Variants in DDHD1 observed in about 807,000 individuals in gnomAD.
DDHD1 encodes the protein phospholipase DDHD1.
A neutral mutation model predicts 96.4 loss-of-function variants in DDHD1; 49 were observed. The observed-to-expected ratio is 0.51, with a 90% CI of 0.40 to 0.64. DDHD1 has a LOEUF of 0.64. Ranked by LOEUF, DDHD1 falls within the 30% of genes least tolerant of loss-of-function variation. DDHD1 has a pLI of 0.00. For synonymous variants in DDHD1, 442 were observed against 446.5 expected (o/e 0.99, Z 0.13); for missense variants, 1,106 against 1,161.2 (o/e 0.95, Z 0.69).
At chr14:53,077,062 A>G (rs1290787932) in intron 4 of DDHD1, among the ~76,000 whole-genome samples, 1 of 152,126 alleles carries the variant, frequency 6.6e-6, no homozygotes, top group Non-Finnish European at 1.5e-5. Context: ...TATGTGTCCT[A>G]TAGAGTTACT....
At chr14:53,117,543 T>G (rs1888641870) in intron 1 of DDHD1, among the ~76,000 whole-genome samples, 2 of 152,218 alleles carry the variant, frequency 1.3e-5, no homozygotes, top group Non-Finnish European at 1.5e-5. Context: ...TGCTCACTGC[T>G]AGCGCAACAG....
At chr14:53,150,782 TC>T (rs1383276012) in intron 1 of DDHD1, among the ~76,000 whole-genome samples, 7 of 152,230 alleles carry the variant, frequency 4.6e-5, no homozygotes, top group Non-Finnish European at 1.0e-4. Flanking sequence ...CTTTTCCCCA[TC>T]TTTCTTAATG....
At chr14:53,096,632 C>G (rs1257324134) in intron 2 of DDHD1, among the ~76,000 whole-genome samples, 1 of 151,834 alleles carries the variant, frequency 6.6e-6, no homozygotes, top group Non-Finnish European at 1.5e-5. Context: ...CAATAAATAA[C>G]ATTTTACATA....
At chr14:53,102,926 C>G in intron 2 of DDHD1, 5 of 1,161,150 alleles carry the variant, frequency 4.3e-6, no homozygotes, top group Non-Finnish European at 6.1e-6. Context: ...TAGAGCTTGC[C>G]AAGAAACCTC....
In DDHD1 at chr14:53,045,195, G is replaced by A. The variant is rs1881923841; in HGVS notation, c.*1573C>T. 1 of 152,256 alleles carries A rather than the reference G, an allele frequency of 6.6e-6. No homozygotes were observed. The highest frequency in any genetic ancestry group is 1.5e-5 in the Non-Finnish European group (1 of 68,116). 9.4% of individuals were successfully genotyped at this position (152,256 alleles called of 1,614,324 possible). A position where few individuals can be genotyped will look rare whatever the true frequency, so the allele number is the denominator to read the frequency against. ...TCAAGTCATTGAACAGCATATAAAA[G>A]AATATGGCCTGGCTTCAACCCAAGC... On this transcript the variant is annotated 3_prime_UTR_variant, in exon 13 of 13. Coordinates refer to ENST00000673822, the MANE Select transcript of DDHD1 (RefSeq NM_001160148.2).
chr14:53,091,545 AG>A (rs1202176841), intron 4 of DDHD1, among the ~76,000 whole-genome samples: 1 of 152,212 alleles, frequency 6.6e-6, no homozygotes, highest in Non-Finnish European at 1.5e-5. Flanking sequence ...AGATTAAAAA[AG>A]GCTTCCTTAT....
Position 53,152,780 on chromosome 14 carries a change from C to G in DDHD1, c.319G>C (p.Glu107Gln). 1 of 1,606,566 alleles carries G rather than the reference C, an allele frequency of 6.2e-7. No individual in the cohort carries two copies. Among genetic ancestry groups the G allele is most frequent in the Non-Finnish European group, 8.5e-7 (1 of 1,177,440 alleles). The change falls in exon 1 of 13, where the codon GAG (glutamate) becomes CAG (glutamine). Residue 107 changes from glutamate (E) to glutamine (Q), a missense_variant. Coordinates refer to ENST00000673822, the MANE Select transcript of DDHD1 (RefSeq NM_001160148.2). Reference protein sequence around the residue: ...GSSLRYYSEGESGGGGSSLSL... With the variant: ...GSSLRYYSEGQSGGGGSSLSL... ...AAGGAGCTGCCGCCGCCGCCGCTCT[C>G]ACCCTCGCTGTAGTAGCGCAGCGAG...
At chr14:53,082,313 A>C (rs987292110) in intron 4 of DDHD1, among the ~76,000 whole-genome samples, 1 of 152,220 alleles carries the variant, frequency 6.6e-6, no homozygotes, top group African/African-American at 2.4e-5. Flanking sequence ...ATAAGTCTTC[A>C]TAATTCCTCT....
intron 9 of DDHD1, among the ~76,000 whole-genome samples, chr14:53,056,228 GTA>G (rs1357812068): frequency 6.6e-6 from 1 of 152,062 alleles, no homozygotes; most frequent in African/African-American, 2.4e-5. Context: ...GTAGTAGATG[GTA>G]ATCCTGGGAA....
chr14:53,093,077 A>G lies in DDHD1; in HGVS notation c.1141+239T>C, dbSNP rs145363324. 273 of 246,766 alleles carry G rather than the reference A, an allele frequency of 1.1e-3. 13 individuals carry two copies. In the East Asian group the frequency reaches 0.028, roughly 25 times the overall value. 15.3% of individuals were successfully genotyped at this position (246,766 alleles called of 1,614,324 possible). ...TAGGTTTAACAGCTTTTGTGCTTTTAGAAGTATAAAAGATATTTATTAATT... is the reference window on the plus strand; with the variant it reads ...TAGGTTTAACAGCTTTTGTGCTTTTGGAAGTATAAAAGATATTTATTAATT... On this transcript the variant is annotated intron_variant, in intron 3 of 12. Coordinates refer to ENST00000673822, the MANE Select transcript of DDHD1 (RefSeq NM_001160148.2).
intron 9 of DDHD1, among the ~76,000 whole-genome samples, chr14:53,057,503 G>A (rs904452447): frequency 6.6e-6 from 1 of 152,070 alleles, no homozygotes. Flanking sequence ...TTGATGTTCA[G>A]TATTTGAATA....
rs1566616545 is a variant in DDHD1, at chr14:53,152,825, T to C, written c.274A>G (p.Ser92Gly). The change falls in exon 1 of 13, where the codon AGC becomes GGC. Residue 92 changes from serine (S) to glycine (G), a missense_variant. Physicochemically the swap from Ser to Gly is moderately conservative, Grantham distance 56. Coordinates refer to ENST00000673822, the MANE Select transcript of DDHD1 (RefSeq NM_001160148.2). ...AGCGAGGAGCCCGACTCGGCGGAGC[T>C]GAAGTCATAGTTCTCGTCACTGAGG... ...PCLSDENYDFSSAESGSSLRY... is the reference protein window; with the variant it reads ...PCLSDENYDFGSAESGSSLRY... The C allele has an allele frequency of 6.2e-7, 1 of 1,611,322 alleles. No individual in the cohort carries two copies. The highest frequency in any genetic ancestry group is 1.1e-5 in the South Asian group (1 of 90,922).
intron 6 of DDHD1, among the ~76,000 whole-genome samples, chr14:53,067,755 C>T (rs1884166273): frequency 6.6e-6 from 1 of 152,170 alleles, no homozygotes; most frequent in Non-Finnish European, 1.5e-5. Context: ...CCGTGCCCTG[C>T]CCAGCCTCTT....
chr14:53,135,210 AC>A (rs1890144593), intron 1 of DDHD1, among the ~76,000 whole-genome samples: 2 of 152,206 alleles, frequency 1.3e-5, no homozygotes, highest in Non-Finnish European at 2.9e-5. Flanking sequence ...CTGAAGAACC[AC>A]AAAAGATGAC....
intron 6 of DDHD1, among the ~76,000 whole-genome samples, chr14:53,067,449 T>C (rs941251010): frequency 6.6e-6 from 1 of 151,130 alleles, no homozygotes; most frequent in African/African-American, 2.4e-5. Context: ...TGAGCCACCA[T>C]GTCTAGCCTC....
At chr14:53,126,962 C>G (rs774958500) in intron 1 of DDHD1, among the ~76,000 whole-genome samples, 1 of 151,810 alleles carries the variant, frequency 6.6e-6, no homozygotes, top group Admixed American at 6.6e-5. Context: ...TAAGCTCTAA[C>G]GGGTTGAAAT....
Position 53,039,921 on chromosome 14 carries a change from C to T in DDHD1, c.*6847G>A, listed in dbSNP as rs1390285909. On this transcript the variant is annotated 3_prime_UTR_variant, in exon 13 of 13. Coordinates refer to ENST00000673822, the MANE Select transcript of DDHD1 (RefSeq NM_001160148.2). ...TTTCACACATTTACCTTTTCTTTCCCCTCACAGTCCATACGTACACTGTCC... is the reference window on the plus strand; with the variant it reads ...TTTCACACATTTACCTTTTCTTTCCTCTCACAGTCCATACGTACACTGTCC... 2.0e-5 allele frequency: 3 copies of T among 152,398 alleles called. No individual in the cohort carries two copies. The highest frequency in any genetic ancestry group is 2.1e-4 in the South Asian group (1 of 4,818). The allele number at this position is 152,398 out of a possible 1,614,324, so 9.4% of individuals were successfully genotyped here. A position where few individuals can be genotyped will look rare whatever the true frequency, so the allele number is the denominator to read the frequency against.
chr14:53,046,591 T>C lies in DDHD1; in HGVS notation c.*177A>G. ...TAAAATGATGCAAACTGTAAATGAC[T>C]TCTTCAGAACTGAAAACTTCTTTTT... On this transcript the variant is annotated 3_prime_UTR_variant, in exon 13 of 13. Transcript: ENST00000673822. 1 of 413,612 alleles carries C rather than the reference T, an allele frequency of 2.4e-6. No homozygotes were observed. The highest frequency in any genetic ancestry group is 3.8e-5 in the East Asian group (1 of 26,260). The allele number at this position is 413,612 out of a possible 1,614,324, so 25.6% of individuals were successfully genotyped here.
At position 53,149,389 on chromosome 14, in the gene DDHD1, C is replaced by T. The variant is rs147826477; in HGVS notation, c.838+2872G>A. ...ACTAACCAGACAGTTTCCAAAACAG[C>T]TAAAAAGGAAAAGTAAAATGGGGGC... On this transcript the variant is annotated intron_variant, in intron 1 of 12. Coordinates refer to ENST00000673822, the MANE Select transcript of DDHD1 (RefSeq NM_001160148.2). Among the ~76,000 whole-genome samples the T allele has an allele frequency of 9.7e-4, 147 of 152,008 alleles. 3 individuals are homozygous for T. The highest frequency in any genetic ancestry group is 3.4e-3 in the African/African-American group (140 of 41,446).
Sources: allele counts gnomAD v4.1 joint callset (sites outside exome capture counted in the v4.1 genomes callset), GRCh38; gene constraint gnomAD v4.1.1; transcripts MANE v1.5; gene names NCBI Gene and HGNC (gene_info 2026-07-23, HGNC 2026-07-21).